The following PPARGC1B variants were observed in gnomAD, a reference collection of about 807,000 sequenced individuals.
PPARGC1B encodes the protein peroxisome proliferator-activated receptor gamma coactivator 1-beta.
PPARGC1B carries 34 observed loss-of-function variants against 101.6 expected under a neutral mutation model. That is an observed-to-expected ratio of 0.33 (90% confidence interval 0.25 to 0.45). PPARGC1B has a LOEUF of 0.45. PPARGC1B is among the 20% of genes least tolerant of loss of function. The pLI is 1.00. For synonymous variants in PPARGC1B, 548 were observed against 539.3 expected (o/e 1.02, Z -0.22); for missense variants, 1,234 against 1,317.6 (o/e 0.94, Z 0.98).
In PPARGC1B at chr5:149,850,804, C is replaced by T. The variant is rs561871681; in HGVS notation, c.*3246C>T. On this transcript the variant is annotated 3_prime_UTR_variant, in exon 12 of 12. Transcript: ENST00000309241. ...CGTTTCTGTGCCGTGCTGGTGTTTTCCAAAAATGTCTGATCCAACCACTAA... is the reference window on the plus strand; with the variant it reads ...CGTTTCTGTGCCGTGCTGGTGTTTTTCAAAAATGTCTGATCCAACCACTAA... 1 of 152,282 alleles carries T rather than the reference C, an allele frequency of 6.6e-6. No homozygotes were observed. Among genetic ancestry groups the T allele is most frequent in the South Asian group, 2.1e-4 (1 of 4,814 alleles). The allele number at this position is 152,282 out of a possible 1,614,324, so 9.4% of individuals were successfully genotyped here. A position where few individuals can be genotyped will look rare whatever the true frequency, so the allele number is the denominator to read the frequency against.
At chr5:149,823,621 C>T (rs1029022173) in intron 2 of PPARGC1B, among the ~76,000 whole-genome samples, 9 of 152,012 alleles carry the variant, frequency 5.9e-5, no homozygotes, top group Admixed American at 3.9e-4. Context: ...CAGGGAGAGC[C>T]GAGCTAATGG....
intron 1 of PPARGC1B, among the ~76,000 whole-genome samples, chr5:149,780,450 C>G (rs1232887753): frequency 6.6e-6 from 1 of 152,100 alleles, no homozygotes; most frequent in African/African-American, 2.4e-5. Flanking sequence ...AGACAGGGTC[C>G]CTCTCCCTCT....
rs541706437 is a variant in PPARGC1B, at chr5:149,849,852, C to T, written c.*2294C>T. 6.6e-6 allele frequency: 1 copy of T among 152,344 alleles called. No individual in the cohort carries two copies. The highest frequency in any genetic ancestry group is 2.1e-4 in the South Asian group (1 of 4,824). The allele number at this position is 152,344 out of a possible 1,614,324, so 9.4% of individuals were successfully genotyped here. ...AGGAACATATTTGGGGAAGGCAGGGCTTAGGAAGATGGACCAAAAAGGGAC... is the reference window on the plus strand; with the variant it reads ...AGGAACATATTTGGGGAAGGCAGGGTTTAGGAAGATGGACCAAAAAGGGAC... On this transcript the variant is annotated 3_prime_UTR_variant, in exon 12 of 12. Transcript: ENST00000309241.
In PPARGC1B at chr5:149,777,379, C is replaced by G. The variant is rs867637826; in HGVS notation, c.79-43054C>G. The stretch of plus-strand genomic sequence containing the variant: ...CTGCAGAACCTGTTCCCTTCCTCCC[C>G]CCACCACCCAAACTCTCCTACCTCC... On this transcript the variant is annotated intron_variant, in intron 1 of 11. Transcript: ENST00000309241. Among the ~76,000 whole-genome samples, 7 of 152,162 alleles carry G rather than the reference C, an allele frequency of 4.6e-5. No homozygotes were observed. The East Asian group carries it at 1.2e-3, about 25-fold the overall frequency.
Position 149,730,361 on chromosome 5 carries a change from G to T in PPARGC1B, c.19G>T (p.Gly7Cys). ...CTGGAAGATGGCGGGGAACGACTGC[G>T]GCGCGCTGCTGGACGAAGAGCTCTC... MAGNDC[G>C]ALLDEELSSF... Residue 7 changes from glycine (G) to cysteine (C), a missense_variant, in exon 1 of 12, where the codon GGC becomes TGC. By Grantham distance (159) the Gly-to-Cys change is radical (BLOSUM62 -3). Coordinates refer to ENST00000309241, the MANE Select transcript of PPARGC1B (RefSeq NM_133263.4). This position sits in a 1 kb window ranked among gnomAD's most constrained non-coding sequence, Gnocchi z 4.0. The T allele has an allele frequency of 1.3e-6, 2 of 1,568,436 alleles. No homozygotes were observed. The highest frequency in any genetic ancestry group is 1.7e-6 in the Non-Finnish European group (2 of 1,160,162).
At chr5:149,737,306 T>TC in intron 1 of PPARGC1B, among the ~76,000 whole-genome samples, 4 of 152,174 alleles carry the variant, frequency 2.6e-5, no homozygotes, top group African/African-American at 9.7e-5. Flanking sequence ...GGCCTTCGGG[T>TC]ACTTTTAAGT....
At chr5:149,811,855 C>T (rs1757878522) in intron 1 of PPARGC1B, among the ~76,000 whole-genome samples, 1 of 152,240 alleles carries the variant, frequency 6.6e-6, no homozygotes, top group South Asian at 2.1e-4. Context: ...TGTTGCCCTG[C>T]CTACCAGGCA....
chr5:149,808,057 A>G (rs1757667052), intron 1 of PPARGC1B, among the ~76,000 whole-genome samples: 1 of 152,204 alleles, frequency 6.6e-6, no homozygotes, highest in Non-Finnish European at 1.5e-5. Flanking sequence ...CAATTTTAAA[A>G]CAAAGGCAGA....
At chr5:149,761,976 G>T (rs1167577297) in intron 1 of PPARGC1B, among the ~76,000 whole-genome samples, 1 of 152,068 alleles carries the variant, frequency 6.6e-6, no homozygotes, top group African/African-American at 2.4e-5. Context: ...TTGCTCTTGG[G>T]ATTTGGATAT....
At chr5:149,749,605 C>T (rs1755213773) in intron 1 of PPARGC1B, among the ~76,000 whole-genome samples, 1 of 152,178 alleles carries the variant, frequency 6.6e-6, no homozygotes, top group Non-Finnish European at 1.5e-5. Context: ...ACTGTAATCT[C>T]CATTGATCTC....
chr5:149,820,278 C>T (rs972836806), intron 1 of PPARGC1B, among the ~76,000 whole-genome samples, 155 bp from the exon 2 acceptor site: 15 of 152,154 alleles, frequency 9.9e-5, no homozygotes, highest in African/African-American at 3.4e-4. Flanking sequence ...GAAGATTCAA[C>T]CAAGGGGTGA....
intron 1 of PPARGC1B, among the ~76,000 whole-genome samples, chr5:149,762,568 G>T (rs565395913): frequency 6.6e-6 from 1 of 152,310 alleles, no homozygotes; most frequent in East Asian, 1.9e-4. Context: ...GAATTCCAAG[G>T]CTCTCAGTCC....
chr5:149,845,660 C>A, intron 10 of PPARGC1B, 100 bp from the exon 11 acceptor site: 3 of 1,287,564 alleles, frequency 2.3e-6, no homozygotes, highest in Non-Finnish European at 3.2e-6. Flanking sequence ...ATGTGGGTAT[C>A]GAATCACTGT....
chr5:149,813,813 C>T lies in PPARGC1B; in HGVS notation c.79-6620C>T, dbSNP rs560789998. ...TTCTGGAGGCTGGGAAGCCTAAGAT[C>T]GAGGCACCGGCAGATTTTGTATCTG... On this transcript the variant is annotated intron_variant, in intron 1 of 11. Transcript: ENST00000309241. Among the ~76,000 whole-genome samples, 185 of 152,276 alleles carry T rather than the reference C, an allele frequency of 1.2e-3. 1 individual carries two copies. Among genetic ancestry groups the T allele is most frequent in the Middle Eastern group, 3.4e-3 (1 of 294 alleles).
chr5:149,776,237 C>T (rs1756356938), intron 1 of PPARGC1B, among the ~76,000 whole-genome samples: 1 of 152,194 alleles, frequency 6.6e-6, no homozygotes, highest in African/African-American at 2.4e-5. Flanking sequence ...TGAACCATAG[C>T]CTCACTTCTG....
intron 1 of PPARGC1B, among the ~76,000 whole-genome samples, chr5:149,738,903 G>A (rs1045505957): frequency 6.6e-6 from 1 of 152,176 alleles, no homozygotes; most frequent in Non-Finnish European, 1.5e-5. Flanking sequence ...CCTCTAGAAA[G>A]CCTTTGAAGC....
chr5:149,767,079 C>G (rs1755937325), intron 1 of PPARGC1B, among the ~76,000 whole-genome samples: 1 of 152,216 alleles, frequency 6.6e-6, no homozygotes, highest in African/African-American at 2.4e-5. Context: ...GGATATCCCT[C>G]ATGCCAGGGG....
chr5:149,792,230 T>A (rs1757046468), intron 1 of PPARGC1B, among the ~76,000 whole-genome samples: 1 of 152,114 alleles, frequency 6.6e-6, no homozygotes, highest in Non-Finnish European at 1.5e-5. Context: ...AAACAGAGCT[T>A]GCATCGATAG....
chr5:149,783,487 T>C (rs1756669782), intron 1 of PPARGC1B, among the ~76,000 whole-genome samples: 1 of 152,002 alleles, frequency 6.6e-6, no homozygotes, highest in Non-Finnish European at 1.5e-5. Context: ...GATAAGCGAG[T>C]GTGTGAAAGA....
Sources: allele counts gnomAD v4.1 joint callset (sites outside exome capture counted in the v4.1 genomes callset), GRCh38; gene constraint gnomAD v4.1.1; non-coding constraint Gnocchi (gnomAD v3.1); transcripts MANE v1.5; gene names NCBI Gene and HGNC (gene_info 2026-07-23, HGNC 2026-07-21).